MACF1: variants seen among roughly 807,000 people sequenced by gnomAD.
The protein encoded by MACF1 is microtubule-actin cross-linking factor 1.
In MACF1, 193 loss-of-function variants were observed where a neutral mutation model predicts 854.8. That is an observed-to-expected ratio of 0.23 (90% CI 0.20 to 0.25). The LOEUF (loss-of-function observed/expected upper bound fraction) is 0.25, where lower values mean the gene tolerates loss of function less well. MACF1 is among the 10% of genes least tolerant of loss of function. The pLI, the probability that MACF1 is intolerant of heterozygous loss-of-function variation, is 1.00. For missense variants in MACF1, 7,722 were observed against 8,929.1 expected (o/e 0.86, Z 5.45); for synonymous variants, 3,185 against 3,226.7 (o/e 0.99, Z 0.44).
In MACF1 at chr1:39,388,352, C is replaced by T. The variant is rs774997266; in HGVS notation, c.15510C>T (p.His5170=). Residue 5170 remains histidine (H), a synonymous_variant, in exon 58 of 101, where the codon CAC becomes CAT. Transcript: ENST00000564288. ...EDVRLFLNKI[H]VLKLDIEASE... Reference sequence around the variant, plus strand: ...TCCGGCTATTCCTTAACAAAATTCACGTCCTCAAATTAGACATAGAGGCCT... The same window carrying T: ...TCCGGCTATTCCTTAACAAAATTCATGTCCTCAAATTAGACATAGAGGCCT... 1.9e-5 allele frequency: 31 copies of T among 1,614,038 alleles called. No homozygotes were observed. The highest frequency in any genetic ancestry group is 3.3e-5 in the Admixed American group (2 of 59,992).
intron 2 of MACF1, among the ~76,000 whole-genome samples, chr1:39,159,506 T>G (rs1211477971): frequency 6.6e-6 from 1 of 152,212 alleles, no homozygotes; most frequent in Non-Finnish European, 1.5e-5. Context: ...ATGGGCTATT[T>G]GTAAGCCCAT....
At chr1:39,217,283 T>A (rs1188313632) in intron 1 of MACF1, among the ~76,000 whole-genome samples, 1 of 127,406 alleles carries the variant, frequency 7.8e-6, no homozygotes, top group African/African-American at 2.9e-5. Flanking sequence ...TTTTATTTTA[T>A]TTTATTTTAG....
chr1:39,247,068 ATTTTTTTTTTT>A (rs58410726), intron 2 of MACF1, among the ~76,000 whole-genome samples: 1 of 93,508 alleles, frequency 1.1e-5, no homozygotes, highest in African/African-American at 4.3e-5. Context: ...TGCCCGGCTA[ATTTTTTTTTTT>A]TTTTTTTTTT....
intron 71 of MACF1, among the ~76,000 whole-genome samples, chr1:39,438,275 G>C (rs1644023782): frequency 6.6e-6 from 1 of 152,168 alleles, no homozygotes; most frequent in Non-Finnish European, 1.5e-5. Context: ...TATCAATAGT[G>C]GGTAGAACAT....
chr1:39,130,237 A>G (rs145104875), intron 2 of MACF1, among the ~76,000 whole-genome samples: 2 of 152,348 alleles, frequency 1.3e-5, no homozygotes, highest in Non-Finnish European at 2.9e-5. Context: ...AATATAGCCA[A>G]CACCCTAATA....
chr1:39,272,040 A>T (rs1046371066), intron 6 of MACF1, among the ~76,000 whole-genome samples: 1 of 152,126 alleles, frequency 6.6e-6, no homozygotes, highest in Non-Finnish European at 1.5e-5. Context: ...CTACCTTTTC[A>T]CTGCAGACAC....
intron 60 of MACF1, among the ~76,000 whole-genome samples, chr1:39,423,423 C>T (rs1379450874): frequency 6.6e-6 from 1 of 151,980 alleles, no homozygotes; most frequent in Non-Finnish European, 1.5e-5. Flanking sequence ...ATCACAAGGT[C>T]AGGAGATCGA....
intron 88 of MACF1, among the ~76,000 whole-genome samples, chr1:39,454,558 T>C (rs936515024): frequency 6.2e-4 from 94 of 152,250 alleles, no homozygotes; most frequent in African/African-American, 2.2e-3. Context: ...CCTAGAACTT[T>C]GGGAGGCTTG....
chr1:39,317,999 T>C (rs898660878), intron 29 of MACF1, among the ~76,000 whole-genome samples: 7 of 152,170 alleles, frequency 4.6e-5, no homozygotes, highest in Non-Finnish European at 1.0e-4. Context: ...GTGATATGAC[T>C]TATTGGAAGT....
At chr1:39,253,833 A>G (rs1314095337) in intron 4 of MACF1, among the ~76,000 whole-genome samples, 1 of 152,102 alleles carries the variant, frequency 6.6e-6, no homozygotes, top group Non-Finnish European at 1.5e-5. Flanking sequence ...GGCTATCTTG[A>G]GCTCCTTTTG....
At position 39,460,147 on chromosome 1, in the gene MACF1, G is replaced by A. The variant is rs561604082; in HGVS notation, c.21361-485G>A. Reference sequence around the variant, plus strand: ...TTGGATACAACATTGGGTTCCCAATGCTTCCATCCAGAACTCAGATTTTCT... The same window carrying A: ...TTGGATACAACATTGGGTTCCCAATACTTCCATCCAGAACTCAGATTTTCT... On this transcript the variant is annotated intron_variant, in intron 91 of 100. Transcript: ENST00000564288. The surrounding 1 kb of genome is among the most constrained non-coding windows in gnomAD (Gnocchi z 4.1). 5.3e-5 allele frequency among the ~76,000 whole-genome samples: 8 copies of A among 152,310 alleles called. No homozygotes were observed. The South Asian group carries it at 1.7e-3, about 32-fold the overall frequency.
At chr1:39,454,651 T>C (rs1644401527) in intron 88 of MACF1, among the ~76,000 whole-genome samples, 1 of 151,864 alleles carries the variant, frequency 6.6e-6, no homozygotes, top group African/African-American at 2.4e-5. Context: ...ATACAAAAAA[T>C]TAGCTGGGTA....
intron 58 of MACF1, chr1:39,414,539 C>T: frequency 6.3e-7 from 1 of 1,597,208 alleles, no homozygotes; most frequent in Non-Finnish European, 8.6e-7. Flanking sequence ...GCAGGGCTGA[C>T]CTGGTGGTGA....
Position 39,316,717 on chromosome 1 carries a change from G to A in MACF1, c.3588+188G>A, listed in dbSNP as rs142585870. 3.3e-5 allele frequency among the ~76,000 whole-genome samples: 5 copies of A among 152,298 alleles called. No individual in the cohort carries two copies. In the East Asian group the frequency reaches 9.6e-4, roughly 29 times the overall value. On this transcript the variant is annotated intron_variant, in intron 28 of 100. Transcript: ENST00000564288. ...CTGAGAAGTATGTCTAGCTAGAAAG[G>A]GAAGAGAAAGGACTAGGTTTTTCTA...
chr1:39,123,499 T>C (rs1217957668), intron 2 of MACF1, among the ~76,000 whole-genome samples: 2 of 151,556 alleles, frequency 1.3e-5, no homozygotes, highest in African/African-American at 2.4e-5. Flanking sequence ...TGAGCCACTG[T>C]GCCTGGCCTG....
At position 39,347,117 on chromosome 1, in the gene MACF1, G is replaced by A. The variant is rs376062467; in HGVS notation, c.10722G>A (p.Gln3574=). The A allele has an allele frequency of 6.2e-7, 1 of 1,614,088 alleles. No individual in the cohort carries two copies. Among genetic ancestry groups the A allele is most frequent in the Non-Finnish European group, 8.5e-7 (1 of 1,179,952 alleles). The change falls in exon 41 of 101, where the codon CAG becomes CAA. Residue 3574 remains glutamine, a synonymous_variant. Transcript: ENST00000564288. ...RQMLRLLNEL[Q]RSFQDILEQT... is the part of the protein sequence containing the mutation. ...TGCTGAGGCTTCTGAATGAACTGCA[G>A]AGGTCCTTCCAGGACATTTTGGAAC... is the stretch of plus-strand genomic sequence containing the variant.
At position 39,448,015 on chromosome 1, in the gene MACF1, T is replaced by C; in HGVS notation, c.19969-18T>C. On this transcript the variant is annotated intron_variant, in intron 82 of 100. Transcript: ENST00000564288. ...GTGTATATTCATTCCTGTTAACTTA[T>C]TTCTTATGTAATTTTAGTTCCATGA... 6.2e-7 allele frequency: 1 copy of C among 1,613,802 alleles called. No individual in the cohort carries two copies.
chr1:39,233,038 GTT>G (rs1644803526), intron 2 of MACF1, among the ~76,000 whole-genome samples: 1 of 21,670 alleles, frequency 4.6e-5, no homozygotes. Flanking sequence ...GTTGTGTTTT[GTT>G]TTTTGTTTTT....
At chr1:39,251,251 C>T (rs187412551) in intron 3 of MACF1, among the ~76,000 whole-genome samples, 2 of 152,116 alleles carry the variant, frequency 1.3e-5, no homozygotes, top group East Asian at 1.9e-4. Context: ...TTAGCATAGC[C>T]GGCACATTTA....
Sources: allele counts gnomAD v4.1 joint callset (sites outside exome capture counted in the v4.1 genomes callset), GRCh38; gene constraint gnomAD v4.1.1; non-coding constraint Gnocchi (gnomAD v3.1); transcripts MANE v1.5; gene names NCBI Gene and HGNC (gene_info 2026-07-23, HGNC 2026-07-21).